The following CACNB4 variants were observed in gnomAD, a reference collection of about 807,000 sequenced individuals.
The protein encoded by CACNB4 is voltage-dependent L-type calcium channel subunit beta-4.
A neutral mutation model predicts 71.2 loss-of-function variants in CACNB4; 32 were observed. The observed-to-expected ratio is 0.45, with a 90% CI of 0.34 to 0.60. The LOEUF is 0.60. Among genes scored for constraint, CACNB4 ranks in the 20% least tolerant of loss-of-function variants. The probability of loss-of-function intolerance (pLI) is 0.01; values close to 1 mark genes in which losing one functional copy is unlikely to be tolerated. For synonymous variants in CACNB4, 231 were observed against 236.9 expected (o/e 0.97, Z 0.23); for missense variants, 464 against 647.9 (o/e 0.72, Z 3.08).
chr2:151,957,190 AC>A (rs1462699561), intron 2 of CACNB4, among the ~76,000 whole-genome samples: 1 of 151,464 alleles, frequency 6.6e-6, no homozygotes, highest in Non-Finnish European at 1.5e-5. Context: ...AATTTCCTAA[AC>A]CTGCTAACCC....
At chr2:151,931,164 C>T (rs2099861532) in intron 2 of CACNB4, among the ~76,000 whole-genome samples, 1 of 152,124 alleles carries the variant, frequency 6.6e-6, no homozygotes, top group Non-Finnish European at 1.5e-5. Flanking sequence ...CTCAGGTTAT[C>T]CCAGGTCACT....
At chr2:151,894,204 C>T (rs1027213662) in intron 2 of CACNB4, among the ~76,000 whole-genome samples, 1 of 152,142 alleles carries the variant, frequency 6.6e-6, no homozygotes, top group Non-Finnish European at 1.5e-5. Context: ...AAAATACTAG[C>T]AAATGGAATC....
intron 2 of CACNB4, among the ~76,000 whole-genome samples, chr2:151,891,492 G>A (rs147055786): frequency 1.6e-3 from 247 of 152,324 alleles, no homozygotes; most frequent in African/African-American, 5.7e-3. Flanking sequence ...CATTGCAATT[G>A]TAATTTCACG....
chr2:151,916,200 C>T (rs1259336308), intron 2 of CACNB4, among the ~76,000 whole-genome samples: 4 of 152,268 alleles, frequency 2.6e-5, no homozygotes, highest in East Asian at 3.9e-4. Context: ...ATCTTGGCCC[C>T]ACCCCTATTC....
At chr2:151,885,026 T>A (rs573349479) in intron 2 of CACNB4, among the ~76,000 whole-genome samples, 53 of 152,344 alleles carry the variant, frequency 3.5e-4, no homozygotes, top group African/African-American at 1.2e-3. Flanking sequence ...TGTTGACTTG[T>A]GAATTTGTTG....
At chr2:152,052,896 C>T (rs538980660) in intron 2 of CACNB4, among the ~76,000 whole-genome samples, 13 of 151,922 alleles carry the variant, frequency 8.6e-5, no homozygotes, top group Admixed American at 5.2e-4. Flanking sequence ...GCAGGAGAAT[C>T]GCTTGAACCC....
At chr2:151,994,970 T>C (rs1446793850) in intron 2 of CACNB4, among the ~76,000 whole-genome samples, 1 of 152,088 alleles carries the variant, frequency 6.6e-6, no homozygotes, top group African/African-American at 2.4e-5. Context: ...TGTTCCCAAG[T>C]GAAAATAGAA....
intron 4 of CACNB4, chr2:151,879,668 G>T (rs543622550): frequency 6.6e-6 from 1 of 152,172 alleles, no homozygotes. Context: ...CTATATCAAA[G>T]ATGTTTTCTT....
rs2099835552 is a variant in CACNB4 at position 151,839,231 on chromosome 2, T to TC, written c.1450_1451insG (p.His484ArgfsTer11). The TC allele has an allele frequency of 6.2e-7, 1 of 1,613,488 alleles. No homozygotes were observed. The highest frequency in any genetic ancestry group is 1.3e-5 in the African/African-American group (1 of 74,866). ...GTAATCTTCTTCCACAAGAGGGTAA[T>TC]GATCTCGGCTATGCTGAGAACTGGA... On this transcript the variant is annotated frameshift_variant, in exon 14 of 14. Transcript: ENST00000539935. LOFTEE classifies it high-confidence loss of function.
intron 2 of CACNB4, chr2:151,936,495 A>G (rs929631329): frequency 1.3e-5 from 2 of 152,254 alleles, no homozygotes. Context: ...TTCCCACCCT[A>G]CAAAGAATAG....
At chr2:152,017,225 T>A (rs1683394529) in intron 2 of CACNB4, among the ~76,000 whole-genome samples, 1 of 150,090 alleles carries the variant, frequency 6.7e-6, no homozygotes, top group South Asian at 2.1e-4. Context: ...ATATTCTGAT[T>A]CAACGTATCT....
intron 2 of CACNB4, among the ~76,000 whole-genome samples, chr2:152,095,159 G>C (rs1040423723): frequency 6.6e-6 from 1 of 151,998 alleles, no homozygotes. Flanking sequence ...CTCCTAAATG[G>C]TGGAAGCCAG....
At chr2:151,933,352 CAGTA>C (rs1196348692) in intron 2 of CACNB4, among the ~76,000 whole-genome samples, 2 of 151,996 alleles carry the variant, frequency 1.3e-5, no homozygotes, top group South Asian at 2.1e-4. Flanking sequence ...CTTCAAAAGA[CAGTA>C]AGGCATCCTG....
intron 2 of CACNB4, among the ~76,000 whole-genome samples, chr2:151,886,743 T>G (rs943737167): frequency 1.3e-5 from 2 of 152,204 alleles, no homozygotes; most frequent in African/African-American, 4.8e-5. Context: ...AGTCCAACAT[T>G]CAAGAGCCCA....
intron 2 of CACNB4, among the ~76,000 whole-genome samples, chr2:152,077,650 G>C (rs1212960644): frequency 6.6e-6 from 1 of 152,154 alleles, no homozygotes; most frequent in Admixed American, 6.5e-5. Flanking sequence ...AGAAACGCCT[G>C]AACCTGAGAG....
At chr2:152,055,105 AGGTTCAAG>A (rs1395554773) in intron 2 of CACNB4, among the ~76,000 whole-genome samples, 1 of 152,150 alleles carries the variant, frequency 6.6e-6, no homozygotes, top group Non-Finnish European at 1.5e-5. Flanking sequence ...GCTGCCTCCC[AGGTTCAAG>A]GGATTCTCAT....
intron 2 of CACNB4, chr2:151,968,943 T>C (rs933799445): frequency 6.6e-6 from 1 of 152,258 alleles, no homozygotes; most frequent in Non-Finnish European, 1.5e-5. Flanking sequence ...ATCTGATCGA[T>C]TCAAGGAATT....
At chr2:151,943,324 C>A (rs2099864741) in intron 2 of CACNB4, among the ~76,000 whole-genome samples, 1 of 152,216 alleles carries the variant, frequency 6.6e-6, no homozygotes, top group South Asian at 2.1e-4. Flanking sequence ...GTGTTCTGCC[C>A]AAATTGTCAT....
intron 2 of CACNB4, among the ~76,000 whole-genome samples, chr2:151,934,827 C>T (rs1191186095): frequency 6.6e-6 from 1 of 152,100 alleles, no homozygotes; most frequent in East Asian, 1.9e-4. Flanking sequence ...CAGAGTGAGA[C>T]TCCATCTCAA....
Sources: allele counts gnomAD v4.1 joint callset (sites outside exome capture counted in the v4.1 genomes callset), GRCh38; gene constraint gnomAD v4.1.1; transcripts MANE v1.5; gene names NCBI Gene and HGNC (gene_info 2026-07-23, HGNC 2026-07-21).